SPTBN4: variants seen among roughly 807,000 people sequenced by gnomAD.
SPTBN4 encodes the protein spectrin beta chain, non-erythrocytic 4.
Under a neutral mutation model 277.8 loss-of-function variants are expected in SPTBN4, and 96 were observed. That is an observed-to-expected ratio of 0.35 (90% CI 0.29 to 0.41). SPTBN4 has a LOEUF of 0.41. SPTBN4 is among the 10% of genes least tolerant of loss of function. SPTBN4 has a pLI of 1.00. For missense variants in SPTBN4, 3,006 were observed against 3,595.7 expected (o/e 0.84, Z 4.19); for synonymous variants, 1,481 against 1,580.3 (o/e 0.94, Z 1.49).
intron 17 of SPTBN4, among the ~76,000 whole-genome samples, chr19:40,527,767 C>T (rs2080610225): frequency 6.6e-6 from 1 of 152,094 alleles, no homozygotes; most frequent in South Asian, 2.1e-4. Flanking sequence ...TCAGAAAGGC[C>T]TCTGAGATTG....
At chr19:40,481,147 G>T (rs1361769863) in intron 2 of SPTBN4, among the ~76,000 whole-genome samples, 1 of 152,124 alleles carries the variant, frequency 6.6e-6, no homozygotes, top group South Asian at 2.1e-4. Flanking sequence ...CTTGTTTCTG[G>T]TGGTTTACAC....
chr19:40,519,844 G>C lies in SPTBN4; in HGVS notation c.3347G>C (p.Gly1116Ala). The change falls in exon 16 of 36, where the codon GGG becomes GCG. Residue 1116 changes from glycine to alanine, a missense_variant. By Grantham distance (60) the Gly-to-Ala change is moderately conservative. Transcript: ENST00000598249. This position sits in a 1 kb window ranked among gnomAD's most constrained non-coding sequence, Gnocchi z 5.7. ...CAGGAGGCGGCGGGCGGCAGCGAGG[G>C]GCCCCTGCCCAACAGCCTAGAAGAG... ...RAQEAAGGSE[G>A]PLPNSLEEAD... 6.2e-6 allele frequency: 9 copies of C among 1,443,072 alleles called. No homozygotes were observed. Among genetic ancestry groups the C allele is most frequent in the Non-Finnish European group, 7.2e-6 (8 of 1,111,320 alleles). 89.4% of individuals were successfully genotyped at this position (1,443,072 alleles called of 1,614,324 possible).
In SPTBN4 at chr19:40,556,070, A is replaced by G. The variant is rs751502806; in HGVS notation, c.5085-14A>G. 44 of 1,605,378 alleles carry G rather than the reference A, an allele frequency of 2.7e-5. No individual in the cohort carries two copies. The highest frequency in any genetic ancestry group is 1.0e-4 in the South Asian group (9 of 90,452). ...CTCAGGGGTCCATCCCTGCCCCTCC[A>G]TGTCCCCCTTCAGCGAGCAGATCAG... On this transcript the variant is annotated splice_polypyrimidine_tract_variant and intron_variant, in intron 24 of 35. Coordinates refer to ENST00000598249, the MANE Select transcript of SPTBN4 (RefSeq NM_020971.3).
At chr19:40,523,960 C>T (rs1446739415) in intron 17 of SPTBN4, among the ~76,000 whole-genome samples, 2 of 152,222 alleles carry the variant, frequency 1.3e-5, no homozygotes, top group East Asian at 1.9e-4. Context: ...TGAGCCACCA[C>T]GCTGGCTAAT....
At chr19:40,571,762 C>T (rs1267896466) in intron 33 of SPTBN4, 3 of 374,158 alleles carry the variant, frequency 8.0e-6, no homozygotes, top group African/African-American at 6.2e-5. Flanking sequence ...GACTTACCTT[C>T]AGGAAATTCA....
chr19:40,485,993 A>AC (rs2080067935), intron 2 of SPTBN4, among the ~76,000 whole-genome samples: 1 of 151,442 alleles, frequency 6.6e-6, no homozygotes, highest in East Asian at 1.9e-4. Context: ...AAAAAAAAAA[A>AC]CAGTAGAGGG....
At chr19:40,550,809 G>A (rs1464023472) in intron 22 of SPTBN4, among the ~76,000 whole-genome samples, 1 of 152,084 alleles carries the variant, frequency 6.6e-6, no homozygotes, top group Non-Finnish European at 1.5e-5. Flanking sequence ...GTGAGCCACC[G>A]CGCCCGGCCT....
chr19:40,512,936 A>T lies in SPTBN4; in HGVS notation c.2147A>T (p.Gln716Leu), dbSNP rs1281575414. The change falls in exon 14 of 36, where the codon CAG (glutamine) becomes CTG (leucine). Residue 716 changes from glutamine (Q) to leucine (L), a missense_variant. Gln to Leu is a moderately radical substitution (Grantham distance 113, BLOSUM62 -2). This residue lies in a region of SPTBN4 where 1,759 missense variants were observed against 2,061.5 expected (regional missense o/e 0.85). Coordinates refer to ENST00000598249, the MANE Select transcript of SPTBN4 (RefSeq NM_020971.3). Reference protein sequence around the residue: ...GELGGRRALLQQALRCGEELV... With the variant: ...GELGGRRALLLQALRCGEELV... The stretch of plus-strand genomic sequence containing the variant: ...CTGGGCGGGCGGCGAGCGTTGCTGC[A>T]GCAGGCCCTGCGGTGTGGCGAGGAG... 1.4e-6 allele frequency: 2 copies of T among 1,422,798 alleles called. No homozygotes were observed. The highest frequency in any genetic ancestry group is 1.8e-6 in the Non-Finnish European group (2 of 1,099,946). 88.1% of individuals were successfully genotyped at this position (1,422,798 alleles called of 1,614,324 possible).
chr19:40,511,929 G>A (rs1273063819), intron 13 of SPTBN4, among the ~76,000 whole-genome samples: 1 of 152,110 alleles, frequency 6.6e-6, no homozygotes, highest in African/African-American at 2.4e-5. Flanking sequence ...TTTGAGACCA[G>A]CCTGGCCAGC....
chr19:40,512,855 A>T lies in SPTBN4; in HGVS notation c.2066A>T (p.His689Leu). The T allele has an allele frequency of 6.9e-7, 1 of 1,459,372 alleles. No homozygotes were observed. Among genetic ancestry groups the T allele is most frequent in the Non-Finnish European group, 8.9e-7 (1 of 1,118,710 alleles). The allele number at this position is 1,459,372 out of a possible 1,614,324, so 90.4% of individuals were successfully genotyped here. Reference protein sequence around the residue: ...AGAAGTAGGAHDLSSTARLLA... With the variant: ...AGAAGTAGGALDLSSTARLLA... Reference sequence around the variant, plus strand: ...GCAGCGGGAACAGCGGGCGGCGCGCATGACCTGTCCAGCACAGCGCGCCTC... The same window carrying T: ...GCAGCGGGAACAGCGGGCGGCGCGCTTGACCTGTCCAGCACAGCGCGCCTC... The change falls in exon 14 of 36, where the codon CAT becomes CTT. Residue 689 changes from histidine to leucine, a missense_variant. His to Leu is a moderately conservative substitution (Grantham distance 99). Around this residue, in one of 5 missense-constraint regions of SPTBN4, gnomAD observed 1,759 missense variants for 2,061.5 expected, o/e 0.85. Transcript: ENST00000598249.
intron 24 of SPTBN4, among the ~76,000 whole-genome samples, chr19:40,555,489 C>CAAAAAAAAAAAAAAAAAA (rs56045928): frequency 1.3e-5 from 1 of 74,904 alleles, no homozygotes; most frequent in African/African-American, 5.5e-5. Context: ...GACTCCGTCT[C>CAAAAAAAAAAAAAAAAAA]AAAAAAAAAA....
intron 20 of SPTBN4, among the ~76,000 whole-genome samples, chr19:40,540,066 A>G (rs988695662): frequency 6.6e-6 from 1 of 151,770 alleles, no homozygotes; most frequent in East Asian, 2.0e-4. Flanking sequence ...AGCTGGGACT[A>G]TAGGCACCCG....
intron 2 of SPTBN4, among the ~76,000 whole-genome samples, chr19:40,475,849 C>G (rs1017299707): frequency 1.3e-5 from 2 of 151,384 alleles, no homozygotes; most frequent in Non-Finnish European, 2.9e-5. Flanking sequence ...AGTTCGAGAC[C>G]AGCCTGGCCA....
intron 19 of SPTBN4, among the ~76,000 whole-genome samples, 157 bp from the exon 20 acceptor site, chr19:40,533,923 C>T (rs1324662322): frequency 1.3e-5 from 2 of 152,098 alleles, no homozygotes; most frequent in Non-Finnish European, 2.9e-5. Flanking sequence ...TCTGCATCCA[C>T]CCCTCATGTC....
intron 5 of SPTBN4, among the ~76,000 whole-genome samples, chr19:40,493,598 C>T (rs1475229426): frequency 2.6e-5 from 4 of 151,998 alleles, no homozygotes; most frequent in East Asian, 1.9e-4. Flanking sequence ...CGTCTGTAGT[C>T]GTAGCTTCTC....
rs1235970526 is a variant in SPTBN4, at chr19:40,502,916, C to G, written c.1345C>G (p.Gln449Glu). 1 of 1,613,748 alleles carries G rather than the reference C, an allele frequency of 6.2e-7. No homozygotes were observed. The highest frequency in any genetic ancestry group is 8.5e-7 in the Non-Finnish European group (1 of 1,179,990). The change falls in exon 11 of 36, where the codon CAG (glutamine) becomes GAG (glutamate). Residue 449 changes from glutamine (Q) to glutamate (E), a missense_variant. Transcript: ENST00000598249. The surrounding 1 kb of genome is among the most constrained non-coding windows in gnomAD (Gnocchi z 4.9). ...GAGGGAGAGCTGGCTGAATGAGAAC[C>G]AGCGTCTGGTCTCCCAGGTACAAGG... ...AMRESWLNEN[Q>E]RLVSQDNFGY...
rs144383615 is a variant in SPTBN4, at chr19:40,567,114, T to C, written c.6337-549T>C. ...CTTGGCAACATACTGAGAAGCCGTC[T>C]CTACCAAAACCAAAAGCAAACAAAG... On this transcript the variant is annotated intron_variant, in intron 30 of 35. Transcript: ENST00000598249. 6.9e-3 allele frequency: 3,152 copies of C among 455,282 alleles called. 28 individuals carry two copies. Among genetic ancestry groups the C allele is most frequent in the Non-Finnish European group, 9.6e-3 (2,167 of 226,594 alleles). The allele number at this position is 455,282 out of a possible 1,614,324, so 28.2% of individuals were successfully genotyped here.
chr19:40,525,387 A>G (rs2080578927), intron 17 of SPTBN4, among the ~76,000 whole-genome samples: 2 of 148,512 alleles, frequency 1.3e-5, no homozygotes, highest in South Asian at 4.2e-4. Flanking sequence ...CAGTGGTGCA[A>G]TCATAGCTCA....
At chr19:40,527,417 C>A (rs571505385) in intron 17 of SPTBN4, among the ~76,000 whole-genome samples, 1 of 152,226 alleles carries the variant, frequency 6.6e-6, no homozygotes, top group African/African-American at 2.4e-5. Flanking sequence ...GACAAAAATC[C>A]CTGCCCTCAT....
Sources: gnomAD v4.1 joint callset for allele counts (sites outside exome capture counted in the v4.1 genomes callset) on GRCh38, gnomAD v4.1.1 for gene constraint, gnomAD v4.1.1 regional missense constraint, Gnocchi (gnomAD v3.1) non-coding constraint, MANE v1.5 for transcripts, NCBI Gene and HGNC (gene_info 2026-07-23, HGNC 2026-07-21) for gene names.